CTNND2: variants seen among roughly 807,000 people sequenced by gnomAD.
CTNND2 encodes catenin delta-2.
In CTNND2, 22 loss-of-function variants were observed where a neutral mutation model predicts 144.4. That is an observed-to-expected ratio of 0.15 (90% CI 0.11 to 0.22). CTNND2 has a LOEUF of 0.22. CTNND2 is among the 10% of genes least tolerant of loss of function. CTNND2 has a pLI of 1.00. For missense variants in CTNND2, 1,353 were observed against 1,618.8 expected (o/e 0.84, Z 2.82); for synonymous variants, 751 against 695.6 (o/e 1.08, Z -1.25).
intron 12 of CTNND2, among the ~76,000 whole-genome samples, chr5:11,137,876 A>G (rs1025214162): frequency 6.6e-6 from 1 of 152,204 alleles, no homozygotes. Context: ...TACTGCCACA[A>G]GTTACCTCTA....
At chr5:11,432,799 G>A (rs1763415479) in intron 3 of CTNND2, among the ~76,000 whole-genome samples, 1 of 152,144 alleles carries the variant, frequency 6.6e-6, no homozygotes, top group South Asian at 2.1e-4. Flanking sequence ...ACAAGTATCT[G>A]AATATCTTAC....
chr5:11,158,461 C>T (rs538874048), intron 12 of CTNND2, among the ~76,000 whole-genome samples: 24 of 152,278 alleles, frequency 1.6e-4, no homozygotes, highest in African/African-American at 4.3e-4. Context: ...TTCATGATTT[C>T]GTGACTCAGA....
intron 3 of CTNND2, among the ~76,000 whole-genome samples, chr5:11,463,684 T>TA (rs5865943): frequency 0.13 from 18,533 of 144,624 alleles, 1,265 homozygotes; most frequent in African/African-American, 0.2. Flanking sequence ...GGTGCTTCAT[T>TA]AAAAAAAAAA....
intron 3 of CTNND2, among the ~76,000 whole-genome samples, chr5:11,434,311 A>G (rs1173834054): frequency 2.0e-5 from 3 of 152,222 alleles, no homozygotes; most frequent in Non-Finnish European, 4.4e-5. Context: ...AACAAAACAG[A>G]GCAGTGGTTG....
At chr5:11,428,066 C>G (rs773048613) in intron 3 of CTNND2, among the ~76,000 whole-genome samples, 1 of 152,112 alleles carries the variant, frequency 6.6e-6, no homozygotes, top group Non-Finnish European at 1.5e-5. Flanking sequence ...CTCACCACCA[C>G]GAGAACAGCA....
intron 11 of CTNND2, among the ~76,000 whole-genome samples, chr5:11,198,219 T>TA (rs1737068776): frequency 6.6e-6 from 1 of 151,932 alleles, no homozygotes; most frequent in Non-Finnish European, 1.5e-5. Context: ...TTTCCCTGAC[T>TA]CATGTCTCCC....
At chr5:11,190,046 G>A (rs1736086200) in intron 11 of CTNND2, among the ~76,000 whole-genome samples, 1 of 152,196 alleles carries the variant, frequency 6.6e-6, no homozygotes, top group Admixed American at 6.5e-5. Context: ...ACAAGAATGG[G>A]CAATGTCTCA....
In CTNND2 at chr5:11,790,103, A is replaced by G. The variant is rs61121749; in HGVS notation, c.38-57831T>C. Reference sequence around the variant, plus strand: ...ATGCTTCGAGGATTGAATTTGCTCCAGTGTTTAAAATTGAGCTGGACCTAT... The same window carrying G: ...ATGCTTCGAGGATTGAATTTGCTCCGGTGTTTAAAATTGAGCTGGACCTAT... On this transcript the variant is annotated intron_variant, in intron 1 of 21. Coordinates refer to ENST00000304623, the MANE Select transcript of CTNND2 (RefSeq NM_001332.4). Among the ~76,000 whole-genome samples the G allele has an allele frequency of 3.8e-3, 586 of 152,298 alleles. 5 individuals carry two copies. The highest frequency in any genetic ancestry group is 0.013 in the African/African-American group (550 of 41,568).
intron 6 of CTNND2, among the ~76,000 whole-genome samples, chr5:11,386,884 G>A (rs1050035597): frequency 1.3e-5 from 2 of 152,150 alleles, no homozygotes; most frequent in Non-Finnish European, 1.5e-5. Context: ...ACAGATGTGG[G>A]TGTGCTTACT....
intron 11 of CTNND2, among the ~76,000 whole-genome samples, chr5:11,172,193 A>G (rs1218968707): frequency 6.6e-6 from 1 of 152,026 alleles, no homozygotes; most frequent in African/African-American, 2.4e-5. Flanking sequence ...CTACCTAAGA[A>G]TTTTTTTTAA....
chr5:11,166,106 C>A (rs2057793), intron 11 of CTNND2, among the ~76,000 whole-genome samples: 53,946 of 151,732 alleles, frequency 0.36, 11,016 homozygotes, highest in Admixed American at 0.5. Flanking sequence ...AATGTATTTA[C>A]AATTAATTAG....
At chr5:11,854,613 C>A (rs1795168824) in intron 1 of CTNND2, among the ~76,000 whole-genome samples, 1 of 152,174 alleles carries the variant, frequency 6.6e-6, no homozygotes, top group Non-Finnish European at 1.5e-5. Flanking sequence ...ATACTCAAAA[C>A]TCTAATTTGA....
At chr5:11,593,781 C>T (rs141113692) in intron 2 of CTNND2, among the ~76,000 whole-genome samples, 216 of 152,274 alleles carry the variant, frequency 1.4e-3, no homozygotes, top group African/African-American at 4.9e-3. Context: ...CACCCAGTCT[C>T]CAGTATTTCT....
At chr5:11,125,865 C>T (rs73742129) in intron 12 of CTNND2, among the ~76,000 whole-genome samples, 23,563 of 152,200 alleles carry the variant, frequency 0.15, 3,163 homozygotes, top group East Asian at 0.45. Flanking sequence ...ATTTTCCACT[C>T]GTATTAATGA....
chr5:11,598,900 T>C (rs562234145), intron 2 of CTNND2, among the ~76,000 whole-genome samples: 32 of 152,162 alleles, frequency 2.1e-4, no homozygotes, highest in African/African-American at 7.5e-4. Flanking sequence ...AAAAAGATGA[T>C]TAATGGACTC....
chr5:11,338,675 G>C (rs1282473926), intron 9 of CTNND2, among the ~76,000 whole-genome samples: 1 of 152,104 alleles, frequency 6.6e-6, no homozygotes, highest in East Asian at 1.9e-4. Flanking sequence ...GTATAAATTA[G>C]GTGGGTATAT....
rs35375483 is a variant in CTNND2, at chr5:11,394,353, G to A, written c.612+2678C>T. On this transcript the variant is annotated intron_variant, in intron 6 of 21. Transcript: ENST00000304623. ...TTGGCACATGATAAACATCTTGAAT[G>A]CATCAAAGAATAACCTAGACACACA... is the stretch of plus-strand genomic sequence containing the variant. 3.9e-5 allele frequency among the ~76,000 whole-genome samples: 6 copies of A among 152,182 alleles called. No individual in the cohort carries two copies. In the East Asian group the frequency reaches 1.2e-3, roughly 29 times the overall value.
intron 18 of CTNND2, among the ~76,000 whole-genome samples, chr5:10,994,042 C>T (rs929958091): frequency 6.6e-6 from 1 of 150,782 alleles, no homozygotes; most frequent in Non-Finnish European, 1.5e-5. Flanking sequence ...ACATATTACT[C>T]TAATGGAAAT....
rs34686102 is a variant in CTNND2 at position 11,771,192 on chromosome 5, C to CTT, written c.38-38922_38-38921dup. On this transcript the variant is annotated intron_variant, in intron 1 of 21. Coordinates refer to ENST00000304623, the MANE Select transcript of CTNND2 (RefSeq NM_001332.4). ...CTCTATCATGAACCCACATTGTTAG[C>CTT]TTTTTTTTTTTTTTTTTGGGATGGA... 1.0e-3 allele frequency among the ~76,000 whole-genome samples: 106 copies of CTT among 103,774 alleles called. 7 individuals are homozygous for CTT. Among genetic ancestry groups the CTT allele is most frequent in the African/African-American group, 3.6e-3 (96 of 26,860 alleles). 68.1% of individuals were successfully genotyped at this position (103,774 alleles called of 152,430 possible).
Sources: gnomAD v4.1 joint callset for allele counts (sites outside exome capture counted in the v4.1 genomes callset) on GRCh38, gnomAD v4.1.1 for gene constraint, MANE v1.5 for transcripts, NCBI Gene and HGNC (gene_info 2026-07-23, HGNC 2026-07-21) for gene names.